Variants in EIF3M observed in about 807,000 individuals in gnomAD.
EIF3M encodes the protein B5 receptor.
EIF3M carries 25 observed loss-of-function variants against 49.7 expected under a neutral mutation model. The observed-to-expected ratio is 0.50, with a 90% CI of 0.37 to 0.70. The LOEUF (loss-of-function observed/expected upper bound fraction) is 0.70. EIF3M is among the 30% of genes least tolerant of loss of function. The probability of loss-of-function intolerance (pLI) is 0.00; values close to 1 mark genes in which losing one functional copy is unlikely to be tolerated. For missense variants in EIF3M, 350 were observed against 440.0 expected, an observed-to-expected ratio of 0.80 and a Z score of 1.83; for synonymous variants, 156 against 149.8, an observed-to-expected ratio of 1.04 and a Z score of -0.30.
intron 9 of EIF3M, chr11:32,601,045 C>A: frequency 2.2e-6 from 1 of 452,242 alleles, no homozygotes; most frequent in Non-Finnish European, 3.6e-6. Flanking sequence ...TCACGTAGAA[C>A]AAAGACGTTT....
intron 6 of EIF3M, 56 bp downstream of exon 6, chr11:32,594,005 A>C: frequency 8.3e-7 from 1 of 1,207,366 alleles, no homozygotes; most frequent in Non-Finnish European, 1.1e-6. Context: ...GGTAAGCTAC[A>C]ATATTAAATT....
chr11:32,594,884 C>G (rs1367568467), intron 6 of EIF3M, 30 bp from the exon 7 acceptor site: 1 of 1,585,212 alleles, frequency 6.3e-7, no homozygotes, highest in Non-Finnish European at 8.6e-7. Context: ...TTTCAAAACC[C>G]TGAGCTTACA....
chr11:32,599,582 A>C (rs1855230323), intron 8 of EIF3M, among the ~76,000 whole-genome samples: 1 of 152,022 alleles, frequency 6.6e-6, no homozygotes, highest in Non-Finnish European at 1.5e-5. Context: ...ATTACAGGGC[A>C]CTTGATTGAT....
intron 5 of EIF3M, among the ~76,000 whole-genome samples, chr11:32,590,193 A>T (rs1418391117): frequency 6.6e-6 from 1 of 152,208 alleles, no homozygotes; most frequent in Non-Finnish European, 1.5e-5. Context: ...AAATCAAAGA[A>T]AGGGTAATAT....
chr11:32,591,141 A>G (rs1423050742), intron 5 of EIF3M, among the ~76,000 whole-genome samples: 2 of 152,138 alleles, frequency 1.3e-5, no homozygotes, highest in Admixed American at 6.5e-5. Context: ...GAGCCACCGC[A>G]CCAGGCCTGT....
Position 32,584,160 on chromosome 11 carries a change from C to T in EIF3M, c.42+231C>T, listed in dbSNP as rs148631306. On this transcript the variant is annotated intron_variant, in intron 1 of 10. Coordinates refer to ENST00000531120, the MANE Select transcript of EIF3M (RefSeq NM_006360.6). ...GACGCTTCACCGCCAGCTCCCTGGT[C>T]GGCGTCGGGACTCATTTCTGACGAC... 2.8e-3 allele frequency: 1,642 copies of T among 585,302 alleles called. 18 individuals are homozygous for T. The highest frequency in any genetic ancestry group is 0.027 in the African/African-American group (1,402 of 52,206). 36.3% of individuals were successfully genotyped at this position (585,302 alleles called of 1,614,324 possible).
intron 6 of EIF3M, chr11:32,594,208 C>A: frequency 3.3e-6 from 1 of 299,910 alleles, no homozygotes; most frequent in East Asian, 5.4e-5. Flanking sequence ...TGATCCCAAC[C>A]CAAGAATTAG....
intron 5 of EIF3M, chr11:32,592,049 G>A (rs954752355): frequency 1.1e-5 from 3 of 276,792 alleles, no homozygotes; most frequent in South Asian, 7.6e-5. Context: ...AACTGCGGTA[G>A]TTGCCACCAT....
intron 5 of EIF3M, among the ~76,000 whole-genome samples, chr11:32,593,233 G>A (rs899690194): frequency 2.6e-5 from 4 of 152,188 alleles, no homozygotes; most frequent in Non-Finnish European, 4.4e-5. Flanking sequence ...AAGTCATGAG[G>A]AGTAAAGATA....
intron 5 of EIF3M, chr11:32,592,037 A>G: frequency 3.6e-6 from 1 of 280,154 alleles, no homozygotes; most frequent in Non-Finnish European, 7.0e-6. Flanking sequence ...CAAAACCAGG[A>G]CAACTGCGGT....
chr11:32,587,272 GTATT>G lies in EIF3M; in HGVS notation c.175+132_175+135del, dbSNP rs921504979. On this transcript the variant is annotated intron_variant, in intron 2 of 10. Transcript: ENST00000531120. Reference sequence around the variant, plus strand: ...AACCCTCAGATACAGAAGGCTGACTGTATTTATATGTTTTGAATTTCAGACTACA... The same window carrying G: ...AACCCTCAGATACAGAAGGCTGACTGTATATGTTTTGAATTTCAGACTACA... 23 of 904,756 alleles carry G rather than the reference GTATT, an allele frequency of 2.5e-5. No homozygotes were observed. In the Admixed American group the frequency reaches 5.7e-4, roughly 23 times the overall value. The allele number at this position is 904,756 out of a possible 1,614,324, so 56.0% of individuals were successfully genotyped here.
At chr11:32,600,927 A>C (rs1749559217) in intron 9 of EIF3M, 95 bp downstream of exon 9, 1 of 1,462,968 alleles carries the variant, frequency 6.8e-7, no homozygotes, top group Non-Finnish European at 9.1e-7. Flanking sequence ...AGCCTTACAC[A>C]ACAAAGATTT....
In EIF3M at chr11:32,592,350, ACT is replaced by A. The variant is rs1309414273; in HGVS notation, c.534-1513_534-1512del. ...CAAAAGCAAATCCTCTCTTTTTTCC[ACT>A]CTGCCAGTCCTCCTGTAACTTCTGT... On this transcript the variant is annotated intron_variant, in intron 5 of 10. Coordinates refer to ENST00000531120, the MANE Select transcript of EIF3M (RefSeq NM_006360.6). The A allele has an allele frequency of 4.2e-5, 23 of 550,730 alleles. No individual in the cohort carries two copies. In the East Asian group the frequency reaches 1.1e-3, roughly 25 times the overall value. 34.1% of individuals were successfully genotyped at this position (550,730 alleles called of 1,614,324 possible).
Position 32,583,832 on chromosome 11 carries a change from T to G in EIF3M, c.-56T>G. 2.5e-6 allele frequency: 4 copies of G among 1,593,394 alleles called. No individual in the cohort carries two copies. Among genetic ancestry groups the G allele is most frequent in the Non-Finnish European group, 3.4e-6 (4 of 1,167,476 alleles). On this transcript the variant is annotated 5_prime_UTR_variant, in exon 1 of 11. Transcript: ENST00000531120. ...AGCAGCGTCGCGCGGCCCAGTTCCC[T>G]TTTCCGGTCGGCGTGGTCTTGCGAG... is the stretch of plus-strand genomic sequence containing the variant.
At chr11:32,595,129 A>G in intron 7 of EIF3M, 116 bp downstream of exon 7, 1 of 829,154 alleles carries the variant, frequency 1.2e-6, no homozygotes, top group Non-Finnish European at 1.9e-6. Context: ...ATATGGAAAG[A>G]TTAAGAACTA....
In EIF3M at chr11:32,588,574, T is replaced by C. The variant is rs1855041553; in HGVS notation, c.176-20T>C. ...AGTATTGTAGTATCACTGTTGATTGTGTTATCCATACTTGTGTAGATGTTG... is the reference window on the plus strand; with the variant it reads ...AGTATTGTAGTATCACTGTTGATTGCGTTATCCATACTTGTGTAGATGTTG... On this transcript the variant is annotated intron_variant, in intron 2 of 10. Coordinates refer to ENST00000531120, the MANE Select transcript of EIF3M (RefSeq NM_006360.6). 2 of 1,612,368 alleles carry C rather than the reference T, an allele frequency of 1.2e-6. No homozygotes were observed. Among genetic ancestry groups the C allele is most frequent in the Non-Finnish European group, 1.7e-6 (2 of 1,178,570 alleles).
In EIF3M at chr11:32,583,859, G is replaced by C; in HGVS notation, c.-29G>C. 6.2e-7 allele frequency: 1 copy of C among 1,610,650 alleles called. No homozygotes were observed. The highest frequency in any genetic ancestry group is 1.1e-5 in the South Asian group (1 of 90,702). Reference sequence around the variant, plus strand: ...TTCCGGTCGGCGTGGTCTTGCGAGTGGAGTGTCCGCTGTGCCCGGGCCTGC... The same window carrying C: ...TTCCGGTCGGCGTGGTCTTGCGAGTCGAGTGTCCGCTGTGCCCGGGCCTGC... On this transcript the variant is annotated 5_prime_UTR_variant, in exon 1 of 11. Transcript: ENST00000531120.
Position 32,589,565 on chromosome 11 carries a change from GA to G in EIF3M, c.458del (p.Asp153AlafsTer13), listed in dbSNP as rs764023642. On this transcript the variant is annotated frameshift_variant, in exon 5 of 11. Transcript: ENST00000531120. LOFTEE classifies it high-confidence loss of function. ...ELDQVRKWIS[D>X]WNLTTEKKHT... ...CTTGTAGGTTAGAAAATGGATTTCTGACTGGAATCTCACCACTGAAAAAAAG... is the reference window on the plus strand; with the variant it reads ...CTTGTAGGTTAGAAAATGGATTTCTGCTGGAATCTCACCACTGAAAAAAAG... 6.2e-7 allele frequency: 1 copy of G among 1,614,070 alleles called. No individual in the cohort carries two copies. The highest frequency in any genetic ancestry group is 8.5e-7 in the Non-Finnish European group (1 of 1,179,996).
intron 5 of EIF3M, chr11:32,592,434 C>T: frequency 1.8e-6 from 1 of 540,966 alleles, no homozygotes; most frequent in South Asian, 1.4e-5. Flanking sequence ...TCTTCTGTAT[C>T]TTCTTTAACA....
Sources: allele counts gnomAD v4.1 joint callset (sites outside exome capture counted in the v4.1 genomes callset), GRCh38; gene constraint gnomAD v4.1.1; transcripts MANE v1.5; gene names NCBI Gene and HGNC (gene_info 2026-07-23, HGNC 2026-07-21).